The following SLA variants were observed in gnomAD, a reference collection of about 807,000 sequenced individuals.
SLA encodes the protein src-like-adapter.
In SLA, 16 loss-of-function variants were observed where a neutral mutation model predicts 30.3. That is an observed-to-expected ratio of 0.53 (90% CI 0.36 to 0.80). The LOEUF (loss-of-function observed/expected upper bound fraction) is 0.80. SLA is among the 30% of genes least tolerant of loss of function. SLA has a pLI of 0.01. For synonymous variants in SLA, 143 were observed against 137.8 expected, an observed-to-expected ratio of 1.04 and a Z score of -0.26; for missense variants, 310 against 345.2, an observed-to-expected ratio of 0.90 and a Z score of 0.81.
At chr8:133,087,136 T>A (rs975889927) in intron 1 of SLA, among the ~76,000 whole-genome samples, 4 of 150,184 alleles carry the variant, frequency 2.7e-5, no homozygotes, top group African/African-American at 9.9e-5. Flanking sequence ...AAGAGACATA[T>A]TGGAGGCTAA....
chr8:133,047,796 C>A (rs1183338188), intron 6 of SLA, 34 bp downstream of exon 6: 2 of 1,190,372 alleles, frequency 1.7e-6, no homozygotes, highest in East Asian at 2.3e-5. Context: ...CTTGTCTGCC[C>A]CGGATGGGGA....
intron 1 of SLA, among the ~76,000 whole-genome samples, chr8:133,077,612 G>C (rs747255568): frequency 6.6e-5 from 10 of 152,220 alleles, no homozygotes; most frequent in Non-Finnish European, 1.3e-4. Flanking sequence ...AGACGGCAGG[G>C]CTGAAGCCCG....
chr8:133,102,477 C>T lies in SLA; in HGVS notation c.-319+76G>A, dbSNP rs1269014037. 6 of 1,339,884 alleles carry T rather than the reference C, an allele frequency of 4.5e-6. No individual in the cohort carries two copies. In the Admixed American group the frequency reaches 6.0e-5, roughly 13 times the overall value. The allele number at this position is 1,339,884 out of a possible 1,614,324, so 83.0% of individuals were successfully genotyped here. ...AGGATCCATCAAGTCCCTCTGAAGACCCTCCCCCACATACCACCCCAGGCC... is the reference window on the plus strand; with the variant it reads ...AGGATCCATCAAGTCCCTCTGAAGATCCTCCCCCACATACCACCCCAGGCC... On this transcript the variant is annotated intron_variant, in intron 1 of 8. Coordinates refer to ENST00000338087, the MANE Select transcript of SLA (RefSeq NM_001045556.3).
At chr8:133,060,619 A>G (rs1842232397) in intron 2 of SLA, among the ~76,000 whole-genome samples, 1 of 152,200 alleles carries the variant, frequency 6.6e-6, no homozygotes, top group Admixed American at 6.5e-5. Context: ...CTGTACAACC[A>G]AAGGCATGAG....
At chr8:133,047,699 G>A (rs1351600920) in intron 6 of SLA, 131 bp downstream of exon 6, 7 of 700,722 alleles carry the variant, frequency 1.0e-5, no homozygotes, top group Non-Finnish European at 1.6e-5. Context: ...TGGGCTGCAG[G>A]GAGCTTAACT....
Position 133,070,013 on chromosome 8 carries a change from AAAAAAAAAAAAAAG to A in SLA, c.-41+4826_-41+4839del, listed in dbSNP as rs1364065373. On this transcript the variant is annotated intron_variant, in intron 2 of 8. Coordinates refer to ENST00000338087, the MANE Select transcript of SLA (RefSeq NM_001045556.3). ...AAGGCTCCAGCTCCAAAAAAAAAAA[AAAAAAAAAAAAAAG>A]AAAGAAAGAAAGAAAAGAAAAGAAG... Among the ~76,000 whole-genome samples, 26 of 116,674 alleles carry A rather than the reference AAAAAAAAAAAAAAG, an allele frequency of 2.2e-4. 1 individual carries two copies. The highest frequency in any genetic ancestry group is 4.4e-3 in the Middle Eastern group (1 of 226). 76.5% of individuals were successfully genotyped at this position (116,674 alleles called of 152,430 possible).
At chr8:133,096,544 G>A (rs544726584) in intron 1 of SLA, among the ~76,000 whole-genome samples, 12 of 152,302 alleles carry the variant, frequency 7.9e-5, no homozygotes, top group African/African-American at 2.9e-4. Context: ...TTAGACACTT[G>A]CAGGGTAGTG....
chr8:133,084,327 G>A (rs1173540624), intron 1 of SLA, among the ~76,000 whole-genome samples: 1 of 152,090 alleles, frequency 6.6e-6, no homozygotes, highest in Non-Finnish European at 1.5e-5. Flanking sequence ...AAGCAGTCAG[G>A]GTCTTTTACA....
chr8:133,048,409 T>C (rs917146920), intron 5 of SLA, among the ~76,000 whole-genome samples: 1 of 152,100 alleles, frequency 6.6e-6, no homozygotes, highest in African/African-American at 2.4e-5. Context: ...TTAGTAGAAA[T>C]GGGGATTCAC....
Position 133,083,219 on chromosome 8 carries a change from T to C in SLA, c.-318-8089A>G, listed in dbSNP as rs549664820. On this transcript the variant is annotated intron_variant, in intron 1 of 8. Transcript: ENST00000338087. ...TCATTATTTATTATTGGTAATACTT[T>C]ATAACCTGTAAAACACTATACAGTT... 2.6e-5 allele frequency among the ~76,000 whole-genome samples: 4 copies of C among 152,364 alleles called. No individual in the cohort carries two copies. The South Asian group carries it at 8.3e-4, about 32-fold the overall frequency.
intron 3 of SLA, among the ~76,000 whole-genome samples, chr8:133,055,346 G>C (rs903674223): frequency 6.9e-6 from 1 of 144,672 alleles, no homozygotes; most frequent in South Asian, 2.2e-4. Context: ...TCATCTTCAG[G>C]ACACACACAC....
chr8:133,045,178 A>G, intron 6 of SLA, 63 bp from the exon 7 acceptor site: 1 of 1,583,204 alleles, frequency 6.3e-7, no homozygotes, highest in Non-Finnish European at 8.6e-7. Flanking sequence ...CACCCAGCTA[A>G]CCAGCCCACC....
intron 7 of SLA, chr8:133,040,459 C>G (rs974894130): frequency 5.2e-5 from 15 of 290,886 alleles, no homozygotes; most frequent in Admixed American, 1.4e-4. Flanking sequence ...GCTTTCCTTT[C>G]TTCAACTGCA....
chr8:133,041,937 G>A (rs1838332970), intron 7 of SLA, among the ~76,000 whole-genome samples: 1 of 151,844 alleles, frequency 6.6e-6, no homozygotes, highest in Non-Finnish European at 1.5e-5. Context: ...ACAGTTGCAT[G>A]CCACCACACC....
intron 1 of SLA, among the ~76,000 whole-genome samples, chr8:133,081,222 G>A (rs945041110): frequency 1.3e-5 from 2 of 152,276 alleles, no homozygotes; most frequent in Non-Finnish European, 2.9e-5. Flanking sequence ...TGGGAAGGCA[G>A]GAGTATGTCT....
chr8:133,055,710 C>G (rs1841320360), intron 3 of SLA, among the ~76,000 whole-genome samples: 1 of 152,164 alleles, frequency 6.6e-6, no homozygotes. Context: ...AAGAAATAGT[C>G]AAAATGAATA....
At chr8:133,040,537 T>C (rs1838020845) in intron 7 of SLA, among the ~76,000 whole-genome samples, 1 of 152,192 alleles carries the variant, frequency 6.6e-6, no homozygotes, top group African/African-American at 2.4e-5. Context: ...TTCCCGCAAA[T>C]GCCCAATCCA....
At chr8:133,068,391 G>A (rs945304197) in intron 2 of SLA, among the ~76,000 whole-genome samples, 2 of 152,232 alleles carry the variant, frequency 1.3e-5, no homozygotes, top group Non-Finnish European at 2.9e-5. Context: ...AAGACCAGAA[G>A]GGGATGGAGG....
At chr8:133,088,791 G>A (rs575399765) in intron 1 of SLA, among the ~76,000 whole-genome samples, 2 of 152,214 alleles carry the variant, frequency 1.3e-5, no homozygotes, top group African/African-American at 2.4e-5. Flanking sequence ...ATTTCAAGAC[G>A]AATTGTATTA....
Sources: allele counts gnomAD v4.1 joint callset (sites outside exome capture counted in the v4.1 genomes callset), GRCh38; gene constraint gnomAD v4.1.1; transcripts MANE v1.5; gene names NCBI Gene and HGNC (gene_info 2026-07-23, HGNC 2026-07-21).